Variants in BLTP3B observed in about 807,000 individuals in gnomAD.
BLTP3B encodes the protein UHRF1 (ICBP90) binding protein 1-like.
At chr12:100,119,059 G>A in the BLTP3B span, among the ~76,000 whole-genome samples, 14 of 151,930 alleles carry the variant, frequency 9.2e-5, no homozygotes, top group South Asian at 2.1e-4. Flanking sequence ...CCGAGATCGC[G>A]CCACTGCACT....
chr12:100,088,641 T>C, the BLTP3B span, among the ~76,000 whole-genome samples: 5 of 152,180 alleles, frequency 3.3e-5, no homozygotes, highest in African/African-American at 9.7e-5. Flanking sequence ...ATCATCCTCC[T>C]AGAGGATCAT....
the BLTP3B span, among the ~76,000 whole-genome samples, chr12:100,065,829 C>G: frequency 1.3e-5 from 2 of 152,132 alleles, no homozygotes; most frequent in African/African-American, 4.8e-5. Flanking sequence ...AGCATGTGAT[C>G]TTTGTTCTCC....
At chr12:100,140,433 C>T in the BLTP3B span, among the ~76,000 whole-genome samples, 6 of 151,498 alleles carry the variant, frequency 4.0e-5, no homozygotes, top group Non-Finnish European at 7.4e-5. Context: ...GGGCCAGGCA[C>T]GGTGGCTCAC....
At chr12:100,108,733 G>GAAT in the BLTP3B span, among the ~76,000 whole-genome samples, 1 of 152,114 alleles carries the variant, frequency 6.6e-6, no homozygotes, top group Non-Finnish European at 1.5e-5. Context: ...CCATAAAAAA[G>GAAT]AATGAGATCC....
the BLTP3B span, among the ~76,000 whole-genome samples, chr12:100,100,109 C>G: frequency 2.6e-5 from 4 of 151,986 alleles, no homozygotes; most frequent in Middle Eastern, 3.4e-3. Flanking sequence ...TCCAGACCAG[C>G]CTGACCAACA....
the BLTP3B span, among the ~76,000 whole-genome samples, chr12:100,054,965 ATG>A: frequency 6.6e-6 from 1 of 152,174 alleles, no homozygotes; most frequent in African/African-American, 2.4e-5. Flanking sequence ...AGATAAATTA[ATG>A]TGTTTTATAG....
chr12:100,074,982 T>C, the BLTP3B span, among the ~76,000 whole-genome samples: 2 of 152,000 alleles, frequency 1.3e-5, no homozygotes, highest in African/African-American at 2.4e-5. Context: ...GCTAGTCATA[T>C]TTAGAAGAAT....
chr12:100,037,969 A>G, the BLTP3B span, among the ~76,000 whole-genome samples: 2 of 152,184 alleles, frequency 1.3e-5, no homozygotes, highest in Non-Finnish European at 2.9e-5. Context: ...GCAATACAAA[A>G]TACTAACTCC....
At chr12:100,069,481 T>C in the BLTP3B span, among the ~76,000 whole-genome samples, 3,963 of 152,124 alleles carry the variant, frequency 0.026, 78 homozygotes, top group Non-Finnish European at 0.041. Context: ...TGTATATACA[T>C]ACATGTGTGT....
chr12:100,059,032 G>A, the BLTP3B span: 1 of 1,614,116 alleles, frequency 6.2e-7, no homozygotes, highest in East Asian at 2.2e-5. Context: ...GATGTATTTA[G>A]AGATACCTGA....
At chr12:100,098,327 TA>T in the BLTP3B span, 2 of 1,551,064 alleles carry the variant, frequency 1.3e-6, no homozygotes, top group Non-Finnish European at 1.7e-6. Context: ...ATGAAACATT[TA>T]AAAAAGAAAG....
chr12:100,068,725 G>A, the BLTP3B span, among the ~76,000 whole-genome samples: 1 of 152,046 alleles, frequency 6.6e-6, no homozygotes, highest in Non-Finnish European at 1.5e-5. Flanking sequence ...ATATACAAAT[G>A]GCCAACAAAC....
At chr12:100,138,733 C>T in the BLTP3B span, among the ~76,000 whole-genome samples, 1 of 152,164 alleles carries the variant, frequency 6.6e-6, no homozygotes, top group African/African-American at 2.4e-5. Context: ...CCTAAGGGAG[C>T]GAAGGAGAAG....
the BLTP3B span, among the ~76,000 whole-genome samples, chr12:100,061,885 G>T: frequency 6.6e-6 from 1 of 152,282 alleles, no homozygotes; most frequent in African/African-American, 2.4e-5. Context: ...GTTGAATTGT[G>T]TCCCTCCAAA....
the BLTP3B span, chr12:100,095,844 GAA>G: frequency 6.5e-7 from 1 of 1,547,424 alleles, no homozygotes; most frequent in Non-Finnish European, 8.7e-7. Context: ...TTAACTGTAG[GAA>G]AAAAAAATGT....
the BLTP3B span, among the ~76,000 whole-genome samples, chr12:100,044,430 A>G: frequency 2.6e-5 from 4 of 152,198 alleles, no homozygotes; most frequent in African/African-American, 9.6e-5. Context: ...GATGAAACAG[A>G]TGCACATGTC....
chr12:100,088,634 A>C, the BLTP3B span, among the ~76,000 whole-genome samples: 1 of 152,200 alleles, frequency 6.6e-6, no homozygotes, highest in Non-Finnish European at 1.5e-5. Context: ...ATATTTCATC[A>C]TCCTCCTAGA....
chr12:100,082,608 A>G, the BLTP3B span, among the ~76,000 whole-genome samples: 2 of 152,244 alleles, frequency 1.3e-5, no homozygotes, highest in African/African-American at 2.4e-5. Flanking sequence ...TCTTCTGCAT[A>G]TGACCAACCA....
At chr12:100,110,129 A>G in the BLTP3B span, among the ~76,000 whole-genome samples, 1 of 152,238 alleles carries the variant, frequency 6.6e-6, no homozygotes, top group Non-Finnish European at 1.5e-5. Flanking sequence ...ACTGGCTAAC[A>G]AGAGTTAGTC....
Sources: gnomAD v4.1 joint callset for allele counts (sites outside exome capture counted in the v4.1 genomes callset) on GRCh38, gnomAD v4.1.1 for gene constraint, MANE v1.5 for transcripts, NCBI Gene and HGNC (gene_info 2026-07-23, HGNC 2026-07-21) for gene names.